NCKAP1L: variants seen among roughly 807,000 people sequenced by gnomAD.
NCKAP1L encodes the protein nck-associated protein 1-like.
In NCKAP1L, 53 loss-of-function variants were observed where a neutral mutation model predicts 139.2. That is an observed-to-expected ratio of 0.38 (90% CI 0.31 to 0.48). The LOEUF (loss-of-function observed/expected upper bound fraction) is 0.48, where lower values mean the gene tolerates loss of function less well. NCKAP1L is among the 20% of genes least tolerant of loss of function. The pLI, the probability that NCKAP1L is intolerant of heterozygous loss-of-function variation, is 0.98. For synonymous variants in NCKAP1L, 468 were observed against 499.7 expected (o/e 0.94, Z 0.85); for missense variants, 1,151 against 1,381.9 (o/e 0.83, Z 2.65).
intron 22 of NCKAP1L, among the ~76,000 whole-genome samples, chr12:54,528,935 A>G (rs1026327233): frequency 2.6e-5 from 4 of 152,108 alleles, no homozygotes; most frequent in Non-Finnish European, 5.9e-5. Context: ...ACCCCCAGCC[A>G]GCGTCTTATG....
Position 54,537,065 on chromosome 12 carries a change from T to C in NCKAP1L, c.3183+12T>C. On this transcript the variant is annotated intron_variant, in intron 29 of 30. Transcript: ENST00000293373. The stretch of plus-strand genomic sequence containing the variant: ...AGGAATTTCTGGTGGTGAGTGGGTC[T>C]AGGTTATAAAGAATGGAAGATTGCA... 6.4e-7 allele frequency: 1 copy of C among 1,557,378 alleles called. No individual in the cohort carries two copies. Among genetic ancestry groups the C allele is most frequent in the Non-Finnish European group, 8.9e-7 (1 of 1,129,232 alleles).
At position 54,517,918 on chromosome 12, in the gene NCKAP1L, G is replaced by A. The variant is rs1956947351; in HGVS notation, c.1318G>A (p.Val440Met). 1 of 1,614,016 alleles carries A rather than the reference G, an allele frequency of 6.2e-7. No individual in the cohort carries two copies. The highest frequency in any genetic ancestry group is 1.7e-5 in the Admixed American group (1 of 59,998). Reference protein sequence around the residue: ...LQYLARFDALVLSDIIQNLSV... With the variant: ...LQYLARFDALMLSDIIQNLSV... ...GTACTTGGCAAGATTTGATGCTCTT[G>A]TGCTCAGTGACATCATTCAGGTATG... The change falls in exon 13 of 31, where the codon GTG (valine) becomes ATG (methionine). Residue 440 changes from valine to methionine, a missense_variant. Physicochemically the swap from Val to Met is conservative, Grantham distance 21 (BLOSUM62 1). Transcript: ENST00000293373.
chr12:54,532,242 G>T lies in NCKAP1L; in HGVS notation c.2854G>T (p.Asp952Tyr), dbSNP rs1262244784. 6.2e-7 allele frequency: 1 copy of T among 1,612,944 alleles called. No homozygotes were observed. The change falls in exon 26 of 31, where the codon GAC (aspartate) becomes TAC (tyrosine). Residue 952 changes from aspartate (D) to tyrosine (Y), a missense_variant. Physicochemically the swap from Asp to Tyr is radical, Grantham distance 160. Coordinates refer to ENST00000293373, the MANE Select transcript of NCKAP1L (RefSeq NM_005337.5). ...GAAGGAGTTTGTCACTCCAGACACA[G>T]ACATCAAGGTATGGAGGAGTGCAAA... ...CLKEFVTPDT[D>Y]IKVTLSIFEL...
rs201958086 is a variant in NCKAP1L at position 54,523,419 on chromosome 12, C to T, written c.1904C>T (p.Thr635Ile). The change falls in exon 19 of 31, where the codon ACA becomes ATA. Residue 635 changes from threonine (T) to isoleucine (I), a missense_variant. Transcript: ENST00000293373. ...EQLLPKHCATTISKAKNKKTR... is the reference protein window; with the variant it reads ...EQLLPKHCATIISKAKNKKTR... ...CTTCTACCTAAGCACTGTGCCACTACAATCAGCAAAGCCAAGAACAAGAAA... is the reference window on the plus strand; with the variant it reads ...CTTCTACCTAAGCACTGTGCCACTATAATCAGCAAAGCCAAGAACAAGAAA... The T allele has an allele frequency of 1.9e-6, 3 of 1,614,122 alleles. No homozygotes were observed. The highest frequency in any genetic ancestry group is 2.2e-5 in the East Asian group (1 of 44,882).
chr12:54,539,608 C>A (rs1350691705), intron 30 of NCKAP1L, among the ~76,000 whole-genome samples: 2 of 152,206 alleles, frequency 1.3e-5, no homozygotes, highest in Admixed American at 6.5e-5. Flanking sequence ...CCCTCTTCAA[C>A]ACTCTTACTC....
At chr12:54,541,291 C>T (rs919028681) in intron 30 of NCKAP1L, among the ~76,000 whole-genome samples, 2 of 152,212 alleles carry the variant, frequency 1.3e-5, no homozygotes, top group African/African-American at 4.8e-5. Context: ...GACTAGAACC[C>T]AAGTTTCTTG....
At position 54,523,960 on chromosome 12, in the gene NCKAP1L, T is replaced by A. The variant is rs376636832; in HGVS notation, c.2156+4T>A. ...ACCTGGAGGCCAGACTCAACAGGTA[T>A]CACTCTTTCCTTGTCCTCTGTTTGG... On this transcript the variant is annotated splice_donor_region_variant and intron_variant, in intron 20 of 30. Transcript: ENST00000293373. 4.3e-6 allele frequency: 7 copies of A among 1,613,084 alleles called. No homozygotes were observed. Among genetic ancestry groups the A allele is most frequent in the East Asian group, 2.2e-5 (1 of 44,880 alleles).
In NCKAP1L at chr12:54,517,597, C is replaced by G; in HGVS notation, c.1160C>G (p.Thr387Arg). Residue 387 changes from threonine to arginine, a missense_variant, in exon 12 of 31, where the codon ACA becomes AGA. Transcript: ENST00000293373. The part of the protein sequence containing the change: ...RDEVTWLVRH[T>R]ENVTKTKTPE... The stretch of plus-strand genomic sequence containing the variant: ...GAGGTCACCTGGCTGGTTCGCCACA[C>G]AGAGAATGTCACCAAGACAAAGACA... 6.2e-7 allele frequency: 1 copy of G among 1,614,102 alleles called. No individual in the cohort carries two copies. The highest frequency in any genetic ancestry group is 1.3e-5 in the African/African-American group (1 of 75,030).
intron 26 of NCKAP1L, among the ~76,000 whole-genome samples, chr12:54,534,838 G>A (rs1400041725): frequency 6.6e-6 from 1 of 152,126 alleles, no homozygotes; most frequent in African/African-American, 2.4e-5. Context: ...TAAACCAGAA[G>A]TTTAAAATCT....
intron 7 of NCKAP1L, 27 bp downstream of exon 7, chr12:54,510,012 G>T (rs1311613357): frequency 1.2e-6 from 2 of 1,612,490 alleles, no homozygotes; most frequent in South Asian, 2.2e-5. Flanking sequence ...TTTTGTTAGT[G>T]GAAGCATTCT....
chr12:54,531,141 C>T, intron 22 of NCKAP1L, 119 bp from the exon 23 acceptor site: 2 of 850,066 alleles, frequency 2.4e-6, no homozygotes, highest in East Asian at 2.5e-5. Flanking sequence ...TGCTCCTTGA[C>T]TTCTCATTTT....
At chr12:54,528,868 C>T (rs889327932) in intron 22 of NCKAP1L, among the ~76,000 whole-genome samples, 2 of 151,986 alleles carry the variant, frequency 1.3e-5, no homozygotes, top group Non-Finnish European at 2.9e-5. Flanking sequence ...ATCTCCTGAC[C>T]TTGTGATCTG....
At chr12:54,502,974 C>T (rs1337849965) in intron 3 of NCKAP1L, among the ~76,000 whole-genome samples, 2 of 149,792 alleles carry the variant, frequency 1.3e-5, no homozygotes. Flanking sequence ...CACTGTACTC[C>T]AGCCTGGGTG....
chr12:54,527,121 ATCTGCCTACTAC>A (rs1957032878), intron 21 of NCKAP1L, among the ~76,000 whole-genome samples: 1 of 152,138 alleles, frequency 6.6e-6, no homozygotes, highest in Non-Finnish European at 1.5e-5. Flanking sequence ...TCTGAAAACC[ATCTGCCTACTAC>A]CATCTCTCTG....
rs764796541 is a variant in NCKAP1L, at chr12:54,531,845, T to A, written c.2781+20T>A. ...CGGGAGGTGAGTTGGTGGGGAGGGG[T>A]CTGTCACAGAGTCACAGATACCTCT... On this transcript the variant is annotated intron_variant, in intron 25 of 30. Transcript: ENST00000293373. 2 of 1,585,022 alleles carry A rather than the reference T, an allele frequency of 1.3e-6. No homozygotes were observed. Among genetic ancestry groups the A allele is most frequent in the East Asian group, 4.5e-5 (2 of 44,486 alleles).
Position 54,510,001 on chromosome 12 carries a change from C to T in NCKAP1L, c.735+16C>T. 1 of 1,613,582 alleles carries T rather than the reference C, an allele frequency of 6.2e-7. No homozygotes were observed. Among genetic ancestry groups the T allele is most frequent in the Non-Finnish European group, 8.5e-7 (1 of 1,179,716 alleles). On this transcript the variant is annotated intron_variant, in intron 7 of 30. Transcript: ENST00000293373. ...TTCAGATACAGTGAGTGCCCTTTTC[C>T]TTTTGTTAGTGGAAGCATTCTCTTT... is the stretch of plus-strand genomic sequence containing the variant.
chr12:54,515,296 A>G (rs955999809), intron 9 of NCKAP1L, among the ~76,000 whole-genome samples: 3 of 152,214 alleles, frequency 2.0e-5, no homozygotes, highest in Non-Finnish European at 4.4e-5. Flanking sequence ...GAGAAGGGAA[A>G]GGAGAGGTGA....
At chr12:54,524,032 G>A in intron 20 of NCKAP1L, 76 bp downstream of exon 20, 3 of 1,468,382 alleles carry the variant, frequency 2.0e-6, no homozygotes, top group Non-Finnish European at 1.8e-6. Flanking sequence ...GTAGTATGGT[G>A]GTCCTCAAAG....
At position 54,497,769 on chromosome 12, in the gene NCKAP1L, G is replaced by C. The variant is rs1354103258; in HGVS notation, c.-21G>C. On this transcript the variant is annotated 5_prime_UTR_variant, in exon 1 of 31. Coordinates refer to ENST00000293373, the MANE Select transcript of NCKAP1L (RefSeq NM_005337.5). ...GGGAGATCAGACATTGCTGTCTGGT[G>C]CTCCTCTCTCAGTGGCCATCATGTC... 1 of 1,503,496 alleles carries C rather than the reference G, an allele frequency of 6.7e-7. No individual in the cohort carries two copies. Among genetic ancestry groups the C allele is most frequent in the Non-Finnish European group, 9.3e-7 (1 of 1,079,694 alleles). The allele number at this position is 1,503,496 out of a possible 1,614,324, so 93.1% of individuals were successfully genotyped here.
Sources: allele counts gnomAD v4.1 joint callset (sites outside exome capture counted in the v4.1 genomes callset), GRCh38; gene constraint gnomAD v4.1.1; transcripts MANE v1.5; gene names NCBI Gene and HGNC (gene_info 2026-07-23, HGNC 2026-07-21).